The following MTF2 variants were observed in gnomAD, a reference collection of about 807,000 sequenced individuals.
MTF2 encodes metal response element binding transcription factor 2, also known as metal-response element-binding transcription factor 2.
MTF2 carries 11 observed loss-of-function variants against 79.5 expected under a neutral mutation model. That is an observed-to-expected ratio of 0.14 (90% CI 0.09 to 0.23). The LOEUF is 0.23. MTF2 is among the 10% of genes least tolerant of loss of function. The probability of loss-of-function intolerance (pLI) is 1.00; values close to 1 mark genes in which losing one functional copy is unlikely to be tolerated. For synonymous variants in MTF2, 208 were observed against 232.8 expected (o/e 0.89, Z 0.97); for missense variants, 486 against 711.2 (o/e 0.68, Z 3.60).
intron 1 of MTF2, among the ~76,000 whole-genome samples, chr1:93,096,319 T>G (rs902099964): frequency 2.0e-5 from 3 of 152,160 alleles, no homozygotes; most frequent in Admixed American, 6.5e-5. Context: ...CATTTTCACT[T>G]CTCATTTCTA....
intron 1 of MTF2, among the ~76,000 whole-genome samples, chr1:93,104,102 C>CTTTT (rs781525518): frequency 1.8e-4 from 22 of 125,424 alleles, no homozygotes; most frequent in African/African-American, 4.5e-4. Context: ...CTACACCCAG[C>CTTTT]TTTTTTTTTT....
In MTF2 at chr1:93,120,753, A is replaced by G. The variant is rs148655475; in HGVS notation, c.921+81A>G. ...TTGTTTTTCAAAAAACAACTGAGAC[A>G]CATGTATAAGTCAGACAACTAAAAT... On this transcript the variant is annotated intron_variant, in intron 9 of 14. Coordinates refer to ENST00000370298, the MANE Select transcript of MTF2 (RefSeq NM_007358.4). The G allele has an allele frequency of 1.1e-3, 1,779 of 1,558,420 alleles. 35 individuals are homozygous for G. In the Admixed American group the frequency reaches 0.029, roughly 25 times the overall value.
At chr1:93,094,263 T>A (rs1305008821) in intron 1 of MTF2, among the ~76,000 whole-genome samples, 1 of 152,166 alleles carries the variant, frequency 6.6e-6, no homozygotes, top group African/African-American at 2.4e-5. Flanking sequence ...TCTCTTATTT[T>A]CTATCTTGGT....
chr1:93,119,239 C>A, intron 7 of MTF2, 94 bp from the exon 8 acceptor site: 2 of 815,884 alleles, frequency 2.5e-6, no homozygotes, highest in Non-Finnish European at 2.0e-6. Flanking sequence ...TTTATATCAG[C>A]TGTAGGTTAT....
intron 1 of MTF2, among the ~76,000 whole-genome samples, chr1:93,101,814 G>A (rs1655558368): frequency 6.6e-6 from 1 of 151,790 alleles, no homozygotes; most frequent in Admixed American, 6.6e-5. Context: ...CTGGCCTCAA[G>A]CACTCCTCCC....
chr1:93,118,070 T>G (rs1656323949), intron 6 of MTF2, among the ~76,000 whole-genome samples: 1 of 152,130 alleles, frequency 6.6e-6, no homozygotes. Flanking sequence ...CTCATTTGAC[T>G]AGTGTAGGAG....
At chr1:93,127,984 G>A (rs920360523) in intron 10 of MTF2, among the ~76,000 whole-genome samples, 2 of 151,988 alleles carry the variant, frequency 1.3e-5, no homozygotes, top group Admixed American at 6.6e-5. Context: ...CAATAAGTTG[G>A]TGTTTTGAAA....
At chr1:93,111,996 T>C (rs145036424) in intron 3 of MTF2, among the ~76,000 whole-genome samples, 22 of 152,312 alleles carry the variant, frequency 1.4e-4, no homozygotes, top group South Asian at 6.2e-4. Flanking sequence ...TCCTCCTTTC[T>C]ACTTCTCCTC....
chr1:93,126,631 T>C (rs527788449), intron 9 of MTF2, among the ~76,000 whole-genome samples: 2 of 152,048 alleles, frequency 1.3e-5, no homozygotes, highest in South Asian at 4.1e-4. Flanking sequence ...TTTCTAGAAT[T>C]AAATATTTAG....
intron 3 of MTF2, among the ~76,000 whole-genome samples, chr1:93,111,230 G>GT (rs1349347107): frequency 6.6e-6 from 1 of 152,100 alleles, no homozygotes; most frequent in Non-Finnish European, 1.5e-5. Flanking sequence ...AAATATAGAT[G>GT]TTTTACCAGG....
At chr1:93,108,934 A>G (rs192556995) in intron 1 of MTF2, among the ~76,000 whole-genome samples, 168 of 152,196 alleles carry the variant, frequency 1.1e-3, no homozygotes, top group African/African-American at 3.6e-3. Flanking sequence ...TGTCTGGCTT[A>G]TTTCACTTAG....
chr1:93,088,218 G>A (rs1311462204), intron 1 of MTF2, among the ~76,000 whole-genome samples: 3 of 152,146 alleles, frequency 2.0e-5, no homozygotes, highest in Non-Finnish European at 4.4e-5. Flanking sequence ...CTCATTTTAT[G>A]TAGTGTAATC....
chr1:93,090,298 A>T (rs190021495), intron 1 of MTF2, among the ~76,000 whole-genome samples: 1 of 151,042 alleles, frequency 6.6e-6, no homozygotes, highest in Non-Finnish European at 1.5e-5. Context: ...TTTAGTAGAG[A>T]TGGGGATTTC....
intron 1 of MTF2, among the ~76,000 whole-genome samples, chr1:93,099,904 A>G (rs1313486695): frequency 6.6e-6 from 1 of 152,262 alleles, no homozygotes; most frequent in Non-Finnish European, 1.5e-5. Context: ...AAGGATATTT[A>G]ATAAGGGCAT....
intron 1 of MTF2, among the ~76,000 whole-genome samples, chr1:93,095,712 G>C (rs1655261540): frequency 6.9e-6 from 1 of 145,796 alleles, no homozygotes; most frequent in Non-Finnish European, 1.5e-5. Context: ...CTGGAGTGCA[G>C]TGGTGTGATC....
intron 1 of MTF2, among the ~76,000 whole-genome samples, chr1:93,106,339 T>C (rs1273860393): frequency 6.6e-6 from 1 of 152,116 alleles, no homozygotes; most frequent in Non-Finnish European, 1.5e-5. Flanking sequence ...ACTGGGAATG[T>C]TTGCAATTTT....
At chr1:93,118,701 C>T (rs1337386979) in intron 7 of MTF2, among the ~76,000 whole-genome samples, 1 of 152,112 alleles carries the variant, frequency 6.6e-6, no homozygotes, top group African/African-American at 2.4e-5. Flanking sequence ...TCATTGGTAC[C>T]TTCCTTTAAA....
At position 93,135,958 on chromosome 1, in the gene MTF2, T is replaced by C. The variant is rs568496928; in HGVS notation, c.1425-712T>C. Among the ~76,000 whole-genome samples, 92 of 152,376 alleles carry C rather than the reference T, an allele frequency of 6.0e-4. No individual in the cohort carries two copies. The South Asian group carries it at 7.2e-3, about 12-fold the overall frequency. On this transcript the variant is annotated intron_variant, in intron 14 of 14. Transcript: ENST00000370298. ...ATAACAGAGCTGGGTTGTTAACTTA[T>C]ACAGTATGACTGTAGGTCTTTCAAT...
intron 1 of MTF2, among the ~76,000 whole-genome samples, chr1:93,104,525 A>G (rs1655677868): frequency 6.6e-6 from 1 of 151,720 alleles, no homozygotes; most frequent in Non-Finnish European, 1.5e-5. Flanking sequence ...CTAAAAATAC[A>G]AAAATTAGCT....
Sources: gnomAD v4.1 joint callset for allele counts (sites outside exome capture counted in the v4.1 genomes callset) on GRCh38, gnomAD v4.1.1 for gene constraint, MANE v1.5 for transcripts, NCBI Gene and HGNC (gene_info 2026-07-23, HGNC 2026-07-21) for gene names.